FAM3B: variants seen among roughly 807,000 people sequenced by gnomAD.
FAM3B encodes protein FAM3B.
Under a neutral mutation model 28.4 loss-of-function variants are expected in FAM3B, and 29 were observed. That is an observed-to-expected ratio of 1.02 (90% confidence interval 0.76 to 1.39). The LOEUF is 1.39. FAM3B is among the 40% of genes most tolerant of loss of function. The probability of loss-of-function intolerance (pLI) is 0.00; values close to 1 mark genes in which losing one functional copy is unlikely to be tolerated. For synonymous variants in FAM3B, 91 were observed against 103.0 expected (o/e 0.88, Z 0.71); for missense variants, 266 against 293.9 (o/e 0.91, Z 0.69).
intron 1 of FAM3B, among the ~76,000 whole-genome samples, chr21:41,321,690 C>A (rs893265327): frequency 1.3e-5 from 2 of 152,226 alleles, no homozygotes; most frequent in African/African-American, 4.8e-5. Flanking sequence ...CGCGTTCTAT[C>A]CCCATGGCTC....
intron 1 of FAM3B, among the ~76,000 whole-genome samples, chr21:41,317,747 A>T (rs1278836831): frequency 6.6e-6 from 1 of 152,054 alleles, no homozygotes; most frequent in East Asian, 1.9e-4. Context: ...AGGGTGTTGG[A>T]CTGAACCATC....
At chr21:41,337,884 G>A (rs1365305175) in intron 2 of FAM3B, among the ~76,000 whole-genome samples, 3 of 151,774 alleles carry the variant, frequency 2.0e-5, no homozygotes, top group Non-Finnish European at 2.9e-5. Flanking sequence ...TGAGCATGTG[G>A]TGTGTTGTAT....
intron 4 of FAM3B, among the ~76,000 whole-genome samples, chr21:41,344,894 C>T (rs1046145001): frequency 6.6e-6 from 1 of 152,162 alleles, no homozygotes; most frequent in African/African-American, 2.4e-5. Flanking sequence ...GGGGCTGACA[C>T]CATAGACCAT....
intron 2 of FAM3B, among the ~76,000 whole-genome samples, chr21:41,327,107 A>G (rs1021981354): frequency 2.0e-5 from 3 of 152,260 alleles, no homozygotes; most frequent in Non-Finnish European, 2.9e-5. Context: ...CTTAAAAGAA[A>G]TATTTAATGC....
At chr21:41,350,613 C>G (rs1325676749) in intron 7 of FAM3B, among the ~76,000 whole-genome samples, 4 of 152,204 alleles carry the variant, frequency 2.6e-5, no homozygotes, top group Non-Finnish European at 5.9e-5. Flanking sequence ...TTGGGTCTCC[C>G]CAAAAACCAG....
Position 41,343,069 on chromosome 21 carries a change from A to T in FAM3B, c.288-1407A>T, listed in dbSNP as rs147122588. 2.6e-5 allele frequency among the ~76,000 whole-genome samples: 4 copies of T among 152,078 alleles called. No homozygotes were observed. The South Asian group carries it at 8.3e-4, about 32-fold the overall frequency. On this transcript the variant is annotated intron_variant, in intron 3 of 7. Coordinates refer to ENST00000357985, the MANE Select transcript of FAM3B (RefSeq NM_058186.4). Reference sequence around the variant, plus strand: ...TAGGCTGAAGTTTATACAAGCTCTGATTTTTTTCTGGTTTGCTCTCACTTT... The same window carrying T: ...TAGGCTGAAGTTTATACAAGCTCTGTTTTTTTTCTGGTTTGCTCTCACTTT...
chr21:41,336,383 G>T (rs1026538992), intron 2 of FAM3B, among the ~76,000 whole-genome samples: 1 of 152,156 alleles, frequency 6.6e-6, no homozygotes, highest in Non-Finnish European at 1.5e-5. Context: ...TTAGCCAGAT[G>T]TGGTGGTGCA....
At chr21:41,337,741 G>A (rs2088967674) in intron 2 of FAM3B, among the ~76,000 whole-genome samples, 1 of 151,782 alleles carries the variant, frequency 6.6e-6, no homozygotes, top group African/African-American at 2.4e-5. Context: ...CGTGTGTGGT[G>A]AGTACATGGT....
intron 7 of FAM3B, among the ~76,000 whole-genome samples, chr21:41,350,299 T>C (rs951933935): frequency 6.6e-6 from 1 of 152,110 alleles, no homozygotes; most frequent in Non-Finnish European, 1.5e-5. Flanking sequence ...TCCGATCCCT[T>C]GTGTGATCCA....
intron 6 of FAM3B, among the ~76,000 whole-genome samples, chr21:41,347,365 GGACA>G (rs757344023): frequency 6.6e-6 from 1 of 152,114 alleles, no homozygotes; most frequent in Non-Finnish European, 1.5e-5. Context: ...ACCATAATTA[GGACA>G]GACAAACTAA....
intron 1 of FAM3B, among the ~76,000 whole-genome samples, 194 bp downstream of exon 1, chr21:41,317,092 G>T (rs1260256021): frequency 6.6e-6 from 1 of 152,240 alleles, no homozygotes; most frequent in Non-Finnish European, 1.5e-5. Context: ...AACAGCGGGG[G>T]TTTCCAGCAG....
intron 5 of FAM3B, 60 bp downstream of exon 5, chr21:41,345,796 A>G: frequency 9.3e-7 from 1 of 1,076,746 alleles, no homozygotes. Context: ...TAAGATTAAA[A>G]AGCACAAAGA....
chr21:41,356,040 T>TACATACACACACACAC (rs1350874234), intron 7 of FAM3B, among the ~76,000 whole-genome samples: 3 of 119,888 alleles, frequency 2.5e-5, no homozygotes, highest in African/African-American at 1.0e-4. Flanking sequence ...AAAAAATACA[T>TACATACACACACACAC]ACACACACAC....
At chr21:41,311,279 T>C (rs866876201) in intron 1 of FAM3B, among the ~76,000 whole-genome samples, 4 of 88,160 alleles carry the variant, frequency 4.5e-5, no homozygotes, top group African/African-American at 1.7e-4. Context: ...TATATATATA[T>C]ATATATATAT....
At position 41,347,170 on chromosome 21, in the gene FAM3B, C is replaced by A. The variant is rs1423558555; in HGVS notation, c.485+70C>A. On this transcript the variant is annotated intron_variant, in intron 6 of 7. Transcript: ENST00000357985. ...GCTGGGGCAGAGGCTGCCAGGGTCT[C>A]TCAGTGACATCCTCTGGGGACAAGC... 2.4e-6 allele frequency: 3 copies of A among 1,266,162 alleles called. No individual in the cohort carries two copies. The Admixed American group carries it at 5.0e-5, about 21-fold the overall frequency. The allele number at this position is 1,266,162 out of a possible 1,614,324, so 78.4% of individuals were successfully genotyped here. A position where few individuals can be genotyped will look rare whatever the true frequency, so the allele number is the denominator to read the frequency against.
At chr21:41,350,106 G>T (rs1429211675) in intron 7 of FAM3B, among the ~76,000 whole-genome samples, 1 of 152,224 alleles carries the variant, frequency 6.6e-6, no homozygotes, top group African/African-American at 2.4e-5. Flanking sequence ...TGAAGCCGGG[G>T]CTTACGGTCC....
At chr21:41,313,910 A>C (rs939113004), upstream of FAM3B, among the ~76,000 whole-genome samples, 2 of 152,212 alleles carry the variant, frequency 1.3e-5, no homozygotes, top group Non-Finnish European at 2.9e-5. Context: ...GTTTGCTGCT[A>C]TAATCACATG....
At chr21:41,335,521 C>T (rs963752099) in intron 2 of FAM3B, among the ~76,000 whole-genome samples, 2 of 152,128 alleles carry the variant, frequency 1.3e-5, no homozygotes, top group Non-Finnish European at 2.9e-5. Flanking sequence ...CTCTATTGCT[C>T]CTGCTCTGGC....
At chr21:41,340,978 A>G (rs2089001640) in intron 3 of FAM3B, among the ~76,000 whole-genome samples, 1 of 152,268 alleles carries the variant, frequency 6.6e-6, no homozygotes, top group South Asian at 2.1e-4. Flanking sequence ...ATATGCATGT[A>G]TACATGTGAA....
Sources: allele counts gnomAD v4.1 joint callset (sites outside exome capture counted in the v4.1 genomes callset), GRCh38; gene constraint gnomAD v4.1.1; transcripts MANE v1.5; gene names NCBI Gene and HGNC (gene_info 2026-07-23, HGNC 2026-07-21).